Variants in TADA1 observed in about 807,000 individuals in gnomAD.
The protein encoded by TADA1 is transcriptional adapter 1.
A neutral mutation model predicts 39.3 loss-of-function variants in TADA1; 23 were observed. The observed-to-expected ratio is 0.58, with a 90% CI of 0.42 to 0.83. TADA1 has a LOEUF of 0.83. Ranked by LOEUF, TADA1 falls within the 40% of genes least tolerant of loss-of-function variation. TADA1 has a pLI of 0.00. For synonymous variants in TADA1, 137 were observed against 151.8 expected (o/e 0.90, Z 0.72); for missense variants, 352 against 408.1 (o/e 0.86, Z 1.18).
Position 166,856,535 on chromosome 1 carries a change from A to G in TADA1, c.*1032T>C, listed in dbSNP as rs1658281776. The G allele has an allele frequency of 6.6e-6, 1 of 152,342 alleles. No individual in the cohort carries two copies. Among genetic ancestry groups the G allele is most frequent in the Non-Finnish European group, 1.5e-5 (1 of 68,010 alleles). The allele number at this position is 152,342 out of a possible 1,614,324, so 9.4% of individuals were successfully genotyped here. A position where few individuals can be genotyped will look rare whatever the true frequency, so the allele number is the denominator to read the frequency against. On this transcript the variant is annotated 3_prime_UTR_variant, in exon 8 of 8. Coordinates refer to ENST00000367874, the MANE Select transcript of TADA1 (RefSeq NM_053053.4). ...TTTTCTCCCAAAAGGTTTATTTGTC[A>G]CATTTAAAGTACAAAATCAAATACA... is the stretch of plus-strand genomic sequence containing the variant.
intron 4 of TADA1, 120 bp from the exon 5 acceptor site, chr1:166,862,532 G>A: frequency 1.4e-6 from 1 of 731,762 alleles, no homozygotes; most frequent in Non-Finnish European, 2.3e-6. Flanking sequence ...TACCACAGGG[G>A]TTAAGGGAAA....
At chr1:166,861,524 A>G (rs1658413484) in intron 5 of TADA1, among the ~76,000 whole-genome samples, 1 of 152,226 alleles carries the variant, frequency 6.6e-6, no homozygotes, top group Admixed American at 6.5e-5. Flanking sequence ...GAGCAGAGAC[A>G]AGAATTCTGC....
At chr1:166,859,132 T>C (rs1475254830) in intron 6 of TADA1, among the ~76,000 whole-genome samples, 1 of 152,152 alleles carries the variant, frequency 6.6e-6, no homozygotes, top group African/African-American at 2.4e-5. Context: ...AAACCCAATT[T>C]AAGATGGGTT....
chr1:166,860,633 CA>C (rs1304152538), intron 5 of TADA1, among the ~76,000 whole-genome samples: 1 of 152,064 alleles, frequency 6.6e-6, no homozygotes, highest in Non-Finnish European at 1.5e-5. Context: ...TCCTCTCTCT[CA>C]AAAATGAGTT....
At chr1:166,871,645 C>T (rs1272753271) in intron 1 of TADA1, among the ~76,000 whole-genome samples, 1 of 152,158 alleles carries the variant, frequency 6.6e-6, no homozygotes, top group Non-Finnish European at 1.5e-5. Context: ...AGAACACATG[C>T]AGCTCTAGAG....
chr1:166,861,473 A>C (rs1264991204), intron 5 of TADA1, among the ~76,000 whole-genome samples: 1 of 152,242 alleles, frequency 6.6e-6, no homozygotes, highest in Non-Finnish European at 1.5e-5. Context: ...TAGTTTTGTC[A>C]AGTAACTAAA....
In TADA1 at chr1:166,866,933, C is replaced by A. The variant is rs575661917; in HGVS notation, c.232+2512G>T. On this transcript the variant is annotated intron_variant, in intron 3 of 7. Transcript: ENST00000367874. ...CTAATTTTTGTACTTTTAGTAGTGA[C>A]GGGGTTTCACCATGTTGGCCAGGCT... Among the ~76,000 whole-genome samples the A allele has an allele frequency of 2.6e-5, 4 of 152,038 alleles. No homozygotes were observed. The South Asian group carries it at 6.2e-4, about 24-fold the overall frequency.
At chr1:166,865,813 C>A (rs1167383126) in intron 3 of TADA1, among the ~76,000 whole-genome samples, 1 of 150,558 alleles carries the variant, frequency 6.6e-6, no homozygotes, top group South Asian at 2.1e-4. Flanking sequence ...AGTGAGACTC[C>A]GCCTCCAAAA....
At chr1:166,867,799 C>T (rs1200404080) in intron 3 of TADA1, among the ~76,000 whole-genome samples, 15 of 152,046 alleles carry the variant, frequency 9.9e-5, no homozygotes, top group African/African-American at 3.1e-4. Context: ...GGGCTGGTCT[C>T]GAACTCCTGA....
intron 5 of TADA1, 95 bp from the exon 6 acceptor site, chr1:166,860,432 T>C: frequency 7.9e-7 from 1 of 1,260,480 alleles, no homozygotes; most frequent in Non-Finnish European, 1.1e-6. Context: ...GGCATTTAGA[T>C]GGAGATGCAG....
chr1:166,859,323 C>T (rs139473236), intron 6 of TADA1, among the ~76,000 whole-genome samples: 1 of 152,276 alleles, frequency 6.6e-6, no homozygotes, highest in East Asian at 1.9e-4. Context: ...GTCATACATA[C>T]TTTTTTCTCT....
At chr1:166,865,995 T>A (rs1242172202) in intron 3 of TADA1, among the ~76,000 whole-genome samples, 1 of 150,936 alleles carries the variant, frequency 6.6e-6, no homozygotes, top group African/African-American at 2.5e-5. Context: ...AGGTTCCTCT[T>A]ATCTTTGGCA....
chr1:166,867,618 T>C (rs929547961), intron 3 of TADA1, among the ~76,000 whole-genome samples: 1 of 151,602 alleles, frequency 6.6e-6, no homozygotes, highest in Admixed American at 6.6e-5. Flanking sequence ...ACAGTTTCAC[T>C]CTGTCGCCCA....
intron 6 of TADA1, among the ~76,000 whole-genome samples, chr1:166,858,607 T>G (rs1298018463): frequency 6.6e-6 from 1 of 152,168 alleles, no homozygotes; most frequent in East Asian, 1.9e-4. Flanking sequence ...TGAATGGTAC[T>G]GGAAACAACT....
intron 1 of TADA1, among the ~76,000 whole-genome samples, chr1:166,873,368 C>T (rs980488821): frequency 2.0e-5 from 3 of 152,172 alleles, no homozygotes; most frequent in African/African-American, 2.4e-5. Context: ...GGCTACTATA[C>T]AAAGTGAGTT....
At chr1:166,866,884 A>G (rs990855967) in intron 3 of TADA1, among the ~76,000 whole-genome samples, 1 of 151,808 alleles carries the variant, frequency 6.6e-6, no homozygotes. Flanking sequence ...ACCCAGGATT[A>G]CAGGTGCCTA....
At chr1:166,860,488 G>T in intron 5 of TADA1, 151 bp from the exon 6 acceptor site, 1 of 662,232 alleles carries the variant, frequency 1.5e-6, no homozygotes, top group Non-Finnish European at 2.4e-6. Flanking sequence ...CACATGAAGA[G>T]CCACGGAGCC....
chr1:166,871,784 C>T (rs918292795), intron 1 of TADA1, among the ~76,000 whole-genome samples: 1 of 152,006 alleles, frequency 6.6e-6, no homozygotes, highest in African/African-American at 2.4e-5. Context: ...TAAAATAAAG[C>T]TCCACAGAAA....
At chr1:166,865,418 A>G (rs904515238) in intron 3 of TADA1, among the ~76,000 whole-genome samples, 10 of 152,118 alleles carry the variant, frequency 6.6e-5, no homozygotes, top group African/African-American at 1.2e-4. Context: ...AGCTTTTATC[A>G]TAAAACCTTC....
Sources: gnomAD v4.1 joint callset for allele counts (sites outside exome capture counted in the v4.1 genomes callset) on GRCh38, gnomAD v4.1.1 for gene constraint, MANE v1.5 for transcripts, NCBI Gene and HGNC (gene_info 2026-07-23, HGNC 2026-07-21) for gene names.